TLE4: variants seen among roughly 807,000 people sequenced by gnomAD.
TLE4 encodes TLE family member 4, transcriptional corepressor, also known as transducin-like enhancer protein 4.
Under a neutral mutation model 92.8 loss-of-function variants are expected in TLE4, and 8 were observed. The ratio of observed to expected loss-of-function variants is 0.09; its 90% CI spans 0.05 to 0.16. The LOEUF (loss-of-function observed/expected upper bound fraction) is 0.16. Ranked by LOEUF, TLE4 falls within the 10% of genes least tolerant of loss-of-function variation. The probability of loss-of-function intolerance (pLI) is 1.00; values close to 1 mark genes in which losing one functional copy is unlikely to be tolerated. For synonymous variants in TLE4, 371 were observed against 374.1 expected, an observed-to-expected ratio of 0.99 and a Z score of 0.10; for missense variants, 675 against 997.6, an observed-to-expected ratio of 0.68 and a Z score of 4.36.
chr9:79,581,821 G>A lies in TLE4; in HGVS notation c.252+5644G>A, dbSNP rs147812056. Among the ~76,000 whole-genome samples the A allele has an allele frequency of 7.6e-3, 1,159 of 152,198 alleles. 4 individuals carry two copies. The highest frequency in any genetic ancestry group is 0.014 in the Middle Eastern group (4 of 292). ...GAGTCCCTGAACTTTAGGCTCATAC[G>A]CAGAACCTCTTGAGTTGGGGGATTC... On this transcript the variant is annotated intron_variant, in intron 4 of 19. Coordinates refer to ENST00000376552, the MANE Select transcript of TLE4 (RefSeq NM_007005.6).
chr9:79,573,192 G>C (rs1026172672), intron 1 of TLE4: 107 of 978,366 alleles, frequency 1.1e-4, no homozygotes, highest in Non-Finnish European at 1.3e-4. Flanking sequence ...CGGCAGCGGC[G>C]CTGCTGGGCT....
intron 4 of TLE4, among the ~76,000 whole-genome samples, chr9:79,603,900 G>T (rs1474010680): frequency 1.3e-5 from 2 of 152,112 alleles, no homozygotes. Context: ...TCTGGTCTGT[G>T]GACCAGCATT....
At chr9:79,618,137 TA>T (rs920278132) in intron 5 of TLE4, among the ~76,000 whole-genome samples, 11 of 152,262 alleles carry the variant, frequency 7.2e-5, no homozygotes, top group African/African-American at 2.4e-4. Context: ...TATGCCCCCC[TA>T]AAACTTACAC....
At chr9:79,709,781 A>T in intron 14 of TLE4, 82 bp downstream of exon 14, 1 of 1,203,346 alleles carries the variant, frequency 8.3e-7, no homozygotes, top group Non-Finnish European at 1.2e-6. Context: ...ATACCACTAG[A>T]CAGTGTTGGG....
chr9:79,646,155 A>C (rs960180516), intron 6 of TLE4, among the ~76,000 whole-genome samples: 2 of 151,902 alleles, frequency 1.3e-5, no homozygotes, highest in African/African-American at 4.8e-5. Context: ...TATACTGTGT[A>C]CTCTTAATGT....
intron 8 of TLE4, among the ~76,000 whole-genome samples, chr9:79,692,948 G>T (rs532957262): frequency 6.1e-4 from 93 of 152,270 alleles, no homozygotes; most frequent in Non-Finnish European, 1.1e-3. Context: ...CCGTTTTATA[G>T]GTATGACAAA....
chr9:79,715,810 C>T (rs2074384390), intron 14 of TLE4, among the ~76,000 whole-genome samples: 1 of 152,136 alleles, frequency 6.6e-6, no homozygotes, highest in Admixed American at 6.5e-5. Context: ...CATCTGCCCT[C>T]CTCACCTTCA....
intron 6 of TLE4, among the ~76,000 whole-genome samples, chr9:79,646,978 G>A (rs1175224328): frequency 2.0e-5 from 3 of 152,126 alleles, no homozygotes; most frequent in African/African-American, 7.2e-5. Context: ...TAAGCAGTAT[G>A]CCTGTAGGTT....
At chr9:79,652,949 A>T (rs747329186) in intron 7 of TLE4, 155 bp downstream of exon 7, 1 of 864,828 alleles carries the variant, frequency 1.2e-6, no homozygotes, top group African/African-American at 1.6e-5. Context: ...CAAGTAGTCA[A>T]TTGCCAAATG....
At chr9:79,663,331 T>C (rs1377691957) in intron 8 of TLE4, 1 of 152,228 alleles carries the variant, frequency 6.6e-6, no homozygotes, top group Non-Finnish European at 1.5e-5. Flanking sequence ...ACTAGTCACA[T>C]GAAGCTATTT....
At chr9:79,629,512 A>T (rs1364688562) in intron 6 of TLE4, among the ~76,000 whole-genome samples, 1 of 152,196 alleles carries the variant, frequency 6.6e-6, no homozygotes, top group Non-Finnish European at 1.5e-5. Flanking sequence ...AATAAAGCTA[A>T]CTTAATTTTG....
At chr9:79,607,230 T>A (rs1394379601) in intron 4 of TLE4, among the ~76,000 whole-genome samples, 1 of 152,234 alleles carries the variant, frequency 6.6e-6, no homozygotes, top group Non-Finnish European at 1.5e-5. Context: ...TTTGTTTTTT[T>A]CTTGTAAATT....
At chr9:79,609,625 C>A (rs1161772959) in intron 4 of TLE4, among the ~76,000 whole-genome samples, 1 of 152,012 alleles carries the variant, frequency 6.6e-6, no homozygotes, top group East Asian at 1.9e-4. Context: ...CTTTTTGTTA[C>A]ATTTTGACAT....
chr9:79,683,105 C>G lies in TLE4; in HGVS notation c.610-21678C>G, dbSNP rs936465040. ...CAAGACCTTATGTGGGTTGCAGAGC[C>G]TAAAATGATTGTTGTCAAGCTGTCA... On this transcript the variant is annotated intron_variant, in intron 8 of 19. Coordinates refer to ENST00000376552, the MANE Select transcript of TLE4 (RefSeq NM_007005.6). Among the ~76,000 whole-genome samples, 6 of 152,170 alleles carry G rather than the reference C, an allele frequency of 3.9e-5. No individual in the cohort carries two copies. In the East Asian group the frequency reaches 7.7e-4, roughly 20 times the overall value.
Position 79,725,072 on chromosome 9 carries a change from C to A in TLE4, c.2250C>A (p.Ile750=). The A allele has an allele frequency of 6.2e-7, 1 of 1,613,854 alleles. No individual in the cohort carries two copies. The highest frequency in any genetic ancestry group is 8.5e-7 in the Non-Finnish European group (1 of 1,179,894). ...KESSSVLSCD[I]SVDDKYIVTG... is the part of the protein sequence containing the mutation. Reference sequence around the variant, plus strand: ...CCTCATCGGTGCTTAGCTGTGACATCTCCGTGGACGACAAATACATTGTCA... The same window carrying A: ...CCTCATCGGTGCTTAGCTGTGACATATCCGTGGACGACAAATACATTGTCA... Residue 750 remains isoleucine, a synonymous_variant, in exon 20 of 20, where the codon ATC becomes ATA. Transcript: ENST00000376552.
At chr9:79,573,189 G>A (rs2036384809) in intron 1 of TLE4, 2 of 966,636 alleles carry the variant, frequency 2.1e-6, no homozygotes, top group Non-Finnish European at 2.5e-6. Context: ...CCTCGGCAGC[G>A]GCGCTGCTGG....
At chr9:79,674,434 G>A (rs1211119595) in intron 8 of TLE4, among the ~76,000 whole-genome samples, 11 of 152,110 alleles carry the variant, frequency 7.2e-5, no homozygotes, top group Non-Finnish European at 8.8e-5. Flanking sequence ...CTATTCTAGG[G>A]TCAGTTTTAA....
intron 5 of TLE4, among the ~76,000 whole-genome samples, chr9:79,624,917 G>C (rs754487622): frequency 6.6e-5 from 10 of 151,950 alleles, no homozygotes; most frequent in South Asian, 2.1e-4. Context: ...GAATGAATGC[G>C]TGAGTAGAAT....
At chr9:79,692,226 G>C (rs1220265141) in intron 8 of TLE4, among the ~76,000 whole-genome samples, 1 of 152,174 alleles carries the variant, frequency 6.6e-6, no homozygotes, top group Non-Finnish European at 1.5e-5. Flanking sequence ...CATGAATTCT[G>C]CAAGTTGGAG....
Sources: gnomAD v4.1 joint callset for allele counts (sites outside exome capture counted in the v4.1 genomes callset) on GRCh38, gnomAD v4.1.1 for gene constraint, MANE v1.5 for transcripts, NCBI Gene and HGNC (gene_info 2026-07-23, HGNC 2026-07-21) for gene names.